FAM120A: variants seen among roughly 807,000 people sequenced by gnomAD.
FAM120A encodes the protein family with sequence similarity 120 member A.
A neutral mutation model predicts 109.7 loss-of-function variants in FAM120A; 15 were observed. The ratio of observed to expected loss-of-function variants is 0.14; its 90% CI spans 0.09 to 0.21. The LOEUF is 0.21. Ranked by LOEUF, FAM120A falls within the 10% of genes least tolerant of loss-of-function variation. The pLI, the probability that FAM120A is intolerant of heterozygous loss-of-function variation, is 1.00. For synonymous variants in FAM120A, 493 were observed against 572.8 expected (o/e 0.86, Z 1.99); for missense variants, 899 against 1,439.3 (o/e 0.62, Z 6.07).
At chr9:93,538,855 A>G (rs936364753) in intron 10 of FAM120A, among the ~76,000 whole-genome samples, 5 of 148,904 alleles carry the variant, frequency 3.4e-5, no homozygotes, top group Non-Finnish European at 7.5e-5. Flanking sequence ...GAAGATGACT[A>G]ACACCTGATG....
At chr9:93,534,961 G>A (rs1294158745) in intron 10 of FAM120A, among the ~76,000 whole-genome samples, 1 of 152,162 alleles carries the variant, frequency 6.6e-6, no homozygotes, top group Non-Finnish European at 1.5e-5. Context: ...CATGGAGCAT[G>A]GGTATTTTCT....
intron 9 of FAM120A, chr9:93,529,839 G>A: frequency 1.8e-6 from 1 of 557,018 alleles, no homozygotes; most frequent in East Asian, 3.0e-5. Context: ...ATGAAATAAT[G>A]CATCACATTA....
chr9:93,474,090 A>G (rs1220429621), intron 2 of FAM120A, among the ~76,000 whole-genome samples: 1 of 128,338 alleles, frequency 7.8e-6, no homozygotes, highest in Non-Finnish European at 1.7e-5. Context: ...AAATGAAAAA[A>G]TCAATTGCAA....
Position 93,498,868 on chromosome 9 carries a change from C to T in FAM120A, c.1012C>T (p.His338Tyr). The T allele has an allele frequency of 6.3e-7, 1 of 1,595,114 alleles. No individual in the cohort carries two copies. The highest frequency in any genetic ancestry group is 8.6e-7 in the Non-Finnish European group (1 of 1,162,662). Reference protein sequence around the residue: ...YSATSKPMSFHPPHYLAARPG... With the variant: ...YSATSKPMSFYPPHYLAARPG... ...AGCGACTAGTAAGCCTATGTCATTT[C>T]ATCCACCACATTACTTAGGTAAGTA... Residue 338 changes from histidine (H) to tyrosine (Y), a missense_variant, in exon 5 of 18, where the codon CAT becomes TAT. His to Tyr is a moderately conservative substitution (Grantham distance 83, BLOSUM62 2). Coordinates refer to ENST00000277165, the MANE Select transcript of FAM120A (RefSeq NM_014612.5). The surrounding 1 kb of genome is among the most constrained non-coding windows in gnomAD (Gnocchi z 4.4).
rs1029383335 is a variant in FAM120A at position 93,564,683 on chromosome 9, A to G, written c.*143A>G. On this transcript the variant is annotated 3_prime_UTR_variant, in exon 18 of 18. Transcript: ENST00000277165. ...CTTTGGAAATTCAGATCCCTCTTTG[A>G]TATCAGAGATTTAAACAACACATTT... 1 of 616,246 alleles carries G rather than the reference A, an allele frequency of 1.6e-6. No individual in the cohort carries two copies. Among genetic ancestry groups the G allele is most frequent in the Admixed American group, 3.4e-5 (1 of 29,186 alleles). The allele number at this position is 616,246 out of a possible 1,614,324, so 38.2% of individuals were successfully genotyped here. A position where few individuals can be genotyped will look rare whatever the true frequency, so the allele number is the denominator to read the frequency against.
intron 3 of FAM120A, among the ~76,000 whole-genome samples, chr9:93,489,008 TAA>T (rs34387679): frequency 8.4e-5 from 12 of 143,166 alleles, no homozygotes; most frequent in African/African-American, 2.1e-4. Flanking sequence ...ATGTATCTGT[TAA>T]AAAAAAAAAA....
At chr9:93,530,966 T>C (rs1861306766) in intron 9 of FAM120A, 1 of 152,202 alleles carries the variant, frequency 6.6e-6, no homozygotes. Context: ...TGCTTTCTTA[T>C]TTCTTATGAA....
intron 7 of FAM120A, among the ~76,000 whole-genome samples, chr9:93,518,561 A>T (rs1005542769): frequency 3.3e-5 from 5 of 152,232 alleles, no homozygotes; most frequent in African/African-American, 1.2e-4. Context: ...TTTACCAGTG[A>T]ACAGGGCAGA....
At chr9:93,529,872 C>G (rs891581989) in intron 9 of FAM120A, 1 of 548,732 alleles carries the variant, frequency 1.8e-6, no homozygotes, top group Non-Finnish European at 3.2e-6. Flanking sequence ...TAATTTTATT[C>G]TTTTTACTTC....
rs1197889575 is a variant in FAM120A, at chr9:93,451,877, C to A, written c.-39C>A. On this transcript the variant is annotated 5_prime_UTR_variant, in exon 1 of 18. Transcript: ENST00000277165. Reference sequence around the variant, plus strand: ...GGCCCCACCACCCCCGGCCCCGCCGCCCCCCGCCCGCACCCGCGCCCGCGC... The same window carrying A: ...GGCCCCACCACCCCCGGCCCCGCCGACCCCCGCCCGCACCCGCGCCCGCGC... The A allele has an allele frequency of 8.5e-7, 1 of 1,178,368 alleles. No individual in the cohort carries two copies. The allele number at this position is 1,178,368 out of a possible 1,614,324, so 73.0% of individuals were successfully genotyped here.
intron 5 of FAM120A, among the ~76,000 whole-genome samples, chr9:93,507,739 A>T (rs1860131409): frequency 6.6e-6 from 1 of 152,142 alleles, no homozygotes; most frequent in South Asian, 2.1e-4. Flanking sequence ...TGTCAGTAGG[A>T]CCACTCAGGG....
intron 7 of FAM120A, among the ~76,000 whole-genome samples, chr9:93,517,780 T>A (rs1417502586): frequency 6.6e-6 from 1 of 152,174 alleles, no homozygotes; most frequent in African/African-American, 2.4e-5. Context: ...GAGGTGCTTG[T>A]TCCTCCGGTG....
At position 93,479,188 on chromosome 9, in the gene FAM120A, T is replaced by TC. The variant is rs575178267; in HGVS notation, c.804+2853dup. Among the ~76,000 whole-genome samples the TC allele has an allele frequency of 5.3e-3, 712 of 135,268 alleles. 7 individuals are homozygous for TC. Among genetic ancestry groups the TC allele is most frequent in the African/African-American group, 0.019 (684 of 35,518 alleles). 88.7% of individuals were successfully genotyped at this position (135,268 alleles called of 152,430 possible). ...ATCTCGGCTCACTGCAAGCTCCGCC[T>TC]CCCGGTTTCATGCCATTCTCCTGCC... On this transcript the variant is annotated intron_variant, in intron 3 of 17. Coordinates refer to ENST00000277165, the MANE Select transcript of FAM120A (RefSeq NM_014612.5).
chr9:93,467,137 A>G (rs1471746637), intron 1 of FAM120A, among the ~76,000 whole-genome samples: 3 of 151,690 alleles, frequency 2.0e-5, no homozygotes, highest in Non-Finnish European at 2.9e-5. Flanking sequence ...GTACAATTGT[A>G]TGAGTTTCGA....
At chr9:93,491,404 G>A (rs778693506) in intron 3 of FAM120A, among the ~76,000 whole-genome samples, 3 of 152,188 alleles carry the variant, frequency 2.0e-5, no homozygotes, top group African/African-American at 4.8e-5. Context: ...AGCTATATCC[G>A]TCTGTCAGTG....
chr9:93,558,369 G>A (rs552034596), intron 14 of FAM120A, among the ~76,000 whole-genome samples: 1 of 152,320 alleles, frequency 6.6e-6, no homozygotes, highest in Admixed American at 6.5e-5. Context: ...CCCCATGCTA[G>A]TGCCCTGTTG....
intron 1 of FAM120A, among the ~76,000 whole-genome samples, chr9:93,454,556 A>G (rs974454279): frequency 3.3e-5 from 5 of 152,222 alleles, no homozygotes; most frequent in Admixed American, 3.3e-4. Context: ...TGAGAAGAGG[A>G]TGAAGAGGAG....
chr9:93,548,961 T>C (rs1290469334), intron 11 of FAM120A, among the ~76,000 whole-genome samples: 5 of 152,096 alleles, frequency 3.3e-5, no homozygotes, highest in African/African-American at 1.2e-4. Flanking sequence ...GAGAATCACT[T>C]GAACCCAGGA....
At chr9:93,460,744 T>C (rs963609220) in intron 1 of FAM120A, among the ~76,000 whole-genome samples, 1 of 152,210 alleles carries the variant, frequency 6.6e-6, no homozygotes, top group African/African-American at 2.4e-5. Context: ...TCAGAAAATA[T>C]TTGATAAATG....
Sources: allele counts gnomAD v4.1 joint callset (sites outside exome capture counted in the v4.1 genomes callset), GRCh38; gene constraint gnomAD v4.1.1; non-coding constraint Gnocchi (gnomAD v3.1); transcripts MANE v1.5; gene names NCBI Gene and HGNC (gene_info 2026-07-23, HGNC 2026-07-21).